Variants in JADE3 observed in about 807,000 individuals in gnomAD.
JADE3 encodes protein Jade-3.
Under a neutral mutation model 50.1 loss-of-function variants are expected in JADE3, and 2 were observed. That is an observed-to-expected ratio of 0.04 (90% CI 0.02 to 0.13). JADE3 has a LOEUF of 0.13. Ranked by LOEUF, JADE3 falls within the 10% of genes least tolerant of loss-of-function variation. The pLI is 1.00. For synonymous variants in JADE3, 218 were observed against 232.9 expected, an observed-to-expected ratio of 0.94 and a Z score of 0.58; for missense variants, 475 against 634.4, an observed-to-expected ratio of 0.75 and a Z score of 2.70.
rs781924477 is a variant in JADE3 at position 47,038,951 on chromosome X, C to T, written c.858C>T (p.Val286=). 8.8e-7 allele frequency: 1 copy of T among 1,140,518 alleles called. No homozygotes were observed. The highest frequency in any genetic ancestry group is 1.8e-5 in the South Asian group (1 of 54,307). The allele number at this position is 1,140,518 out of a possible 1,213,427, so 94.0% of individuals were successfully genotyped here. A position where few individuals can be genotyped will look rare whatever the true frequency, so the allele number is the denominator to read the frequency against. Residue 286 remains valine (V), a splice_region_variant and synonymous_variant, in exon 8 of 11, where the codon GTC becomes GTT. Coordinates refer to ENST00000614628, the MANE Select transcript of JADE3 (RefSeq NM_014735.5). The part of the protein sequence containing the change: ...HVSCALWIPE[V]SIACPERMEP... Reference sequence around the variant, plus strand: ...TTATGGTGGTATTTTATTTGTAGGTCAGCATTGCTTGTCCTGAGAGGATGG... The same window carrying T: ...TTATGGTGGTATTTTATTTGTAGGTTAGCATTGCTTGTCCTGAGAGGATGG...
intron 1 of JADE3, among the ~76,000 whole-genome samples, chrX:46,948,092 C>T (rs1556343910): frequency 9.0e-6 from 1 of 111,725 alleles, no homozygotes; most frequent in Admixed American, 9.6e-5. Context: ...ATTAAAGGGT[C>T]GGTGAAAGTT....
chrX:46,912,599 G>A lies in JADE3; in HGVS notation c.-132G>A, dbSNP rs1351983728. On this transcript the variant is annotated 5_prime_UTR_variant, in exon 1 of 11. Transcript: ENST00000614628. ...GGAGGGGATTAAGGGGCAGGTGCGA[G>A]GGAGGGAAGAGAAGAAAGCGAGCGG... 9.1e-6 allele frequency: 1 copy of A among 110,361 alleles called. No individual in the cohort carries two copies. The highest frequency in any genetic ancestry group is 1.9e-5 in the Non-Finnish European group (1 of 52,296). 9.1% of individuals were successfully genotyped at this position (110,361 alleles called of 1,213,427 possible). A position where few individuals can be genotyped will look rare whatever the true frequency, so the allele number is the denominator to read the frequency against.
At chrX:46,938,804 CG>C (rs1926689662) in intron 1 of JADE3, among the ~76,000 whole-genome samples, 1 of 111,975 alleles carries the variant, frequency 8.9e-6, no homozygotes, top group Admixed American at 9.5e-5. Flanking sequence ...GCACTTCAAA[CG>C]TGTTGTGCCA....
intron 1 of JADE3, among the ~76,000 whole-genome samples, chrX:46,951,504 T>C (rs1927002533): frequency 9.6e-6 from 1 of 104,345 alleles, no homozygotes; most frequent in Non-Finnish European, 2.0e-5. Context: ...GGAGAATTGC[T>C]TGAACCCGGG....
intron 1 of JADE3, among the ~76,000 whole-genome samples, chrX:46,950,996 T>A (rs1317672138): frequency 9.0e-6 from 1 of 111,202 alleles, no homozygotes; most frequent in Non-Finnish European, 1.9e-5. Context: ...ATGATGTGCC[T>A]AGGTGTAGAT....
At chrX:46,942,365 T>A (rs1926779890) in intron 1 of JADE3, among the ~76,000 whole-genome samples, 1 of 112,213 alleles carries the variant, frequency 8.9e-6, no homozygotes, top group African/African-American at 3.2e-5. Context: ...AAATCTTTAA[T>A]CCAGCTTGAG....
intron 8 of JADE3, among the ~76,000 whole-genome samples, chrX:47,044,439 C>A (rs1361193854): frequency 9.0e-6 from 1 of 111,464 alleles, no homozygotes; most frequent in Non-Finnish European, 1.9e-5. Flanking sequence ...GTGAAAATAT[C>A]ATTCAAACGT....
chrX:46,950,264 G>A (rs782542853), intron 1 of JADE3, among the ~76,000 whole-genome samples: 2 of 111,577 alleles, frequency 1.8e-5, no homozygotes, highest in Non-Finnish European at 3.8e-5. Context: ...TTTCCATCAC[G>A]CTAATAAAAT....
intron 1 of JADE3, among the ~76,000 whole-genome samples, chrX:46,923,396 T>TTA: frequency 5.2e-5 from 1 of 19,219 alleles, no homozygotes; most frequent in East Asian, 2.1e-3. Context: ...TCTCTCTCTT[T>TTA]TTTTTTTTTT....
chrX:47,044,340 C>T (rs1453748070), intron 8 of JADE3, among the ~76,000 whole-genome samples: 2 of 111,731 alleles, frequency 1.8e-5, no homozygotes, highest in Non-Finnish European at 3.8e-5. Flanking sequence ...GCAGACTTTT[C>T]ATTGGAAACC....
At position 46,962,865 on chromosome X, in the gene JADE3, G is replaced by C. The variant is rs782306402; in HGVS notation, c.-11-22019G>C. Among the ~76,000 whole-genome samples, 19 of 103,736 alleles carry C rather than the reference G, an allele frequency of 1.8e-4. No homozygotes were observed. The East Asian group carries it at 4.8e-3, about 26-fold the overall frequency. 90.1% of individuals were successfully genotyped at this position (103,736 alleles called of 115,157 possible). ...TTTTTTTTTTTTTTTTGGAGAAAGAGTCTTGCCCTGTCTCCCAGGCTGAAG... is the reference window on the plus strand; with the variant it reads ...TTTTTTTTTTTTTTTTGGAGAAAGACTCTTGCCCTGTCTCCCAGGCTGAAG... On this transcript the variant is annotated intron_variant, in intron 1 of 10. Transcript: ENST00000614628.
chrX:47,045,624 A>T (rs1273416913), intron 8 of JADE3, among the ~76,000 whole-genome samples: 1 of 112,530 alleles, frequency 8.9e-6, no homozygotes, highest in Non-Finnish European at 1.9e-5. Flanking sequence ...GAGTATTCTC[A>T]AGGATAGACC....
intron 6 of JADE3, among the ~76,000 whole-genome samples, chrX:47,031,285 T>G (rs1267070087): frequency 9.0e-6 from 1 of 111,309 alleles, no homozygotes; most frequent in African/African-American, 3.3e-5. Context: ...GCAAACATTC[T>G]GGGCCTCAGA....
chrX:47,030,332 A>G (rs1246854244), intron 6 of JADE3, among the ~76,000 whole-genome samples: 1 of 111,721 alleles, frequency 9.0e-6, no homozygotes, highest in African/African-American at 3.3e-5. Flanking sequence ...CCGGTAATGA[A>G]TATAAATGAT....
At chrX:46,913,279 T>C (rs782395620) in intron 1 of JADE3, among the ~76,000 whole-genome samples, 3 of 109,878 alleles carry the variant, frequency 2.7e-5, no homozygotes, top group Non-Finnish European at 5.7e-5. Flanking sequence ...CGGGTGGTGC[T>C]GGGTGCGGCG....
intron 4 of JADE3, among the ~76,000 whole-genome samples, chrX:47,009,318 G>A (rs1179163697): frequency 2.7e-5 from 3 of 110,985 alleles, no homozygotes; most frequent in Non-Finnish European, 5.7e-5. Context: ...AGATAACAGA[G>A]CAAGACCCTG....
chrX:46,913,593 TG>T (rs782171325), intron 1 of JADE3, among the ~76,000 whole-genome samples: 5 of 111,407 alleles, frequency 4.5e-5, no homozygotes, highest in Admixed American at 9.5e-5. Context: ...GTTTGTTTGT[TG>T]TTTTTTTTAA....
rs374060488 is a variant in JADE3, at chrX:46,972,917, G to A, written c.-11-11967G>A. 6.6e-4 allele frequency among the ~76,000 whole-genome samples: 74 copies of A among 112,116 alleles called. No individual in the cohort carries two copies. In the South Asian group the frequency reaches 0.025, roughly 38 times the overall value. On this transcript the variant is annotated intron_variant, in intron 1 of 10. Transcript: ENST00000614628. Reference sequence around the variant, plus strand: ...CCCGGCTGGAATAAAGTTTTATTCCGAAGAGAGTTGTGTTCATTTGTTTAT... The same window carrying A: ...CCCGGCTGGAATAAAGTTTTATTCCAAAGAGAGTTGTGTTCATTTGTTTAT...
chrX:46,947,311 G>A (rs904827121), intron 1 of JADE3, among the ~76,000 whole-genome samples: 6 of 111,527 alleles, frequency 5.4e-5, no homozygotes, highest in African/African-American at 1.6e-4. Flanking sequence ...GAGCCACCGC[G>A]CCTGGCCTTT....
Sources: allele counts gnomAD v4.1 joint callset (sites outside exome capture counted in the v4.1 genomes callset), GRCh38; gene constraint gnomAD v4.1.1; transcripts MANE v1.5; gene names NCBI Gene and HGNC (gene_info 2026-07-23, HGNC 2026-07-21).